The following ARHGEF11 variants were observed in gnomAD, a reference collection of about 807,000 sequenced individuals.
The protein encoded by ARHGEF11 is Rho guanine exchange factor (GEF) 11.
A neutral mutation model predicts 193.7 loss-of-function variants in ARHGEF11; 55 were observed. The observed-to-expected ratio is 0.28, with a 90% CI of 0.23 to 0.36. The LOEUF (loss-of-function observed/expected upper bound fraction) is 0.36, where lower values mean the gene tolerates loss of function less well. Among genes scored for constraint, ARHGEF11 ranks in the 10% least tolerant of loss-of-function variants. The probability of loss-of-function intolerance (pLI) is 1.00; values close to 1 mark genes in which losing one functional copy is unlikely to be tolerated. For missense variants in ARHGEF11, 1,723 were observed against 2,005.6 expected (o/e 0.86, Z 2.69); for synonymous variants, 693 against 768.0 (o/e 0.90, Z 1.62).
rs186910518 is a variant in ARHGEF11, at chr1:156,937,017, G to A, written c.4441-12C>T. The A allele has an allele frequency of 2.9e-4, 466 of 1,609,990 alleles. 3 individuals are homozygous for A. The African/African-American group carries it at 4.5e-3, about 16-fold the overall frequency. On this transcript the variant is annotated splice_polypyrimidine_tract_variant and intron_variant, in intron 39 of 40. Transcript: ENST00000368194. ...GCCAGCTCCATATCCTGGAAGAGTC[G>A]GCGGGGGAATGTCTGCTCGAGTCCT... is the stretch of plus-strand genomic sequence containing the variant.
chr1:156,987,673 G>T (rs1162044051), intron 1 of ARHGEF11, among the ~76,000 whole-genome samples: 1 of 152,128 alleles, frequency 6.6e-6, no homozygotes, highest in African/African-American at 2.4e-5. Flanking sequence ...ATAAAGGAGT[G>T]GGTCTTCGTT....
chr1:156,979,231 T>C lies in ARHGEF11; in HGVS notation c.329A>G (p.Lys110Arg), dbSNP rs769494066. Residue 110 changes from lysine (K) to arginine (R), a missense_variant and splice_region_variant, in exon 5 of 41, where the codon AAA becomes AGA. Lys to Arg is a conservative substitution (Grantham distance 26). Transcript: ENST00000368194. ...SSHLEVVKLIKSGAYVALTLL... is the reference protein window; with the variant it reads ...SSHLEVVKLIRSGAYVALTLL... ...GTTGTCACCTCTCTCCAACTCACAT[T>C]TGATCAGCTTTACCACTTCCAGGTG... The C allele has an allele frequency of 1.9e-6, 3 of 1,613,940 alleles. No individual in the cohort carries two copies. Among genetic ancestry groups the C allele is most frequent in the African/African-American group, 2.7e-5 (2 of 74,914 alleles).
chr1:156,944,170 G>A, intron 31 of ARHGEF11, 68 bp from the exon 32 acceptor site: 1 of 1,560,266 alleles, frequency 6.4e-7, no homozygotes, highest in Non-Finnish European at 8.7e-7. Flanking sequence ...ACAATGCAGG[G>A]CCACAGGCTC....
chr1:156,971,002 T>C (rs1266811189), intron 8 of ARHGEF11, among the ~76,000 whole-genome samples: 19 of 152,228 alleles, frequency 1.2e-4, no homozygotes, highest in Admixed American at 1.2e-3. Context: ...CTGGATATCC[T>C]AAAAGCAAAA....
At chr1:156,945,291 G>C (rs1224518007) in intron 29 of ARHGEF11, 94 bp from the exon 30 acceptor site, 1 of 1,434,116 alleles carries the variant, frequency 7.0e-7, no homozygotes, top group African/African-American at 1.4e-5. Context: ...ATGGCAGCTG[G>C]CTTGCTTCAA....
intron 1 of ARHGEF11, among the ~76,000 whole-genome samples, chr1:157,033,128 C>T (rs1308773187): frequency 6.6e-6 from 1 of 152,150 alleles, no homozygotes; most frequent in Admixed American, 6.5e-5. Flanking sequence ...GCCCAAGCTC[C>T]AGTTGTCTGC....
chr1:156,954,753 G>T, intron 21 of ARHGEF11, 139 bp downstream of exon 21: 1 of 790,556 alleles, frequency 1.3e-6, no homozygotes, highest in African/African-American at 1.7e-5. Context: ...CAACGCATAA[G>T]AGAAATGGAG....
At chr1:156,995,233 A>G (rs1666312902) in intron 1 of ARHGEF11, among the ~76,000 whole-genome samples, 2 of 152,182 alleles carry the variant, frequency 1.3e-5, no homozygotes, top group African/African-American at 4.8e-5. Flanking sequence ...TAGAGGATAT[A>G]CACCCTTCCG....
intron 40 of ARHGEF11, among the ~76,000 whole-genome samples, chr1:156,936,494 AAAAATATATAT>A (rs1305877336): frequency 2.3e-4 from 21 of 90,226 alleles, no homozygotes; most frequent in African/African-American, 9.7e-4. Flanking sequence ...AAAAAAAAAA[AAAAATATATAT>A]ATATATATAT....
intron 2 of ARHGEF11, among the ~76,000 whole-genome samples, 155 bp from the exon 3 acceptor site, chr1:156,984,592 T>C (rs6427340): frequency 0.47 from 70,873 of 151,998 alleles, 17,331 homozygotes; most frequent in East Asian, 0.8. Flanking sequence ...TAAACACTAT[T>C]GCAATGACAC....
chr1:156,964,912 G>A (rs922599611), intron 11 of ARHGEF11, among the ~76,000 whole-genome samples: 2 of 152,140 alleles, frequency 1.3e-5, no homozygotes, highest in African/African-American at 4.8e-5. Flanking sequence ...TGTTTACGGG[G>A]AGGATTTTTT....
At chr1:156,947,212 C>T in intron 26 of ARHGEF11, 92 bp downstream of exon 26, 1 of 1,530,332 alleles carries the variant, frequency 6.5e-7, no homozygotes, top group East Asian at 2.3e-5. Flanking sequence ...TGGGAGGTTA[C>T]CTACTCAGGG....
rs1036801997 is a variant in ARHGEF11 at position 156,991,293 on chromosome 1, C to T, written c.33-5120G>A. 7.6e-4 allele frequency among the ~76,000 whole-genome samples: 116 copies of T among 152,240 alleles called. No individual in the cohort carries two copies. In the Middle Eastern group the frequency reaches 0.017, roughly 22 times the overall value. On this transcript the variant is annotated intron_variant, in intron 1 of 40. Transcript: ENST00000368194. ...TCATCAGTAATGTGTGTGAAAATTT[C>T]TGGGTTAATCCACTGGGTTTTTTGT...
chr1:156,969,274 G>C lies in ARHGEF11; in HGVS notation c.825+8C>G. On this transcript the variant is annotated splice_region_variant and intron_variant, in intron 10 of 40. Coordinates refer to ENST00000368194, the MANE Select transcript of ARHGEF11 (RefSeq NM_198236.3). ...GTTCTGAATGGGCCTTGCCCTGCTGGGACTCACCTCACTGAGGGAAGGAAA... is the reference window on the plus strand; with the variant it reads ...GTTCTGAATGGGCCTTGCCCTGCTGCGACTCACCTCACTGAGGGAAGGAAA... The C allele has an allele frequency of 6.3e-7, 1 of 1,589,234 alleles. No individual in the cohort carries two copies. The highest frequency in any genetic ancestry group is 8.6e-7 in the Non-Finnish European group (1 of 1,166,946).
In ARHGEF11 at chr1:157,035,807, A is replaced by AAT. The variant is rs1372138889; in HGVS notation, c.32+8490_32+8491dup. Among the ~76,000 whole-genome samples the AAT allele has an allele frequency of 1.1e-3, 90 of 82,260 alleles. 3 individuals are homozygous for AAT. The highest frequency in any genetic ancestry group is 6.5e-3 in the South Asian group (15 of 2,316). The allele number at this position is 82,260 out of a possible 152,430, so 54.0% of individuals were successfully genotyped here. A position where few individuals can be genotyped will look rare whatever the true frequency, so the allele number is the denominator to read the frequency against. On this transcript the variant is annotated intron_variant, in intron 1 of 40. Coordinates refer to ENST00000368194, the MANE Select transcript of ARHGEF11 (RefSeq NM_198236.3). ...ATATATATAGGAATATATATACAGG[A>AAT]ATATATATATAGGAATATATATATG...
intron 1 of ARHGEF11, among the ~76,000 whole-genome samples, chr1:157,000,021 T>A (rs912336012): frequency 1.3e-5 from 2 of 152,228 alleles, no homozygotes; most frequent in Admixed American, 6.5e-5. Context: ...TGGAGTGCAG[T>A]GGTGCGATCT....
chr1:157,028,701 T>G (rs548172510), intron 1 of ARHGEF11, among the ~76,000 whole-genome samples: 1 of 152,318 alleles, frequency 6.6e-6, no homozygotes, highest in South Asian at 2.1e-4. Context: ...CCCCAATTTT[T>G]AAATGGGCAA....
In ARHGEF11 at chr1:156,945,167, C is replaced by CG. The variant is rs1557832559; in HGVS notation, c.2842dup (p.Arg948ProfsTer15). 6.2e-7 allele frequency: 1 copy of CG among 1,614,068 alleles called. No homozygotes were observed. Among genetic ancestry groups the CG allele is most frequent in the Non-Finnish European group, 8.5e-7 (1 of 1,179,974 alleles). ...AATCTCCCGGCACTGGTCCCGGGCCCGGCACAGCTTCTCATGCTCAGAGGT... is the reference window on the plus strand; with the variant it reads ...AATCTCCCGGCACTGGTCCCGGGCCCGGGCACAGCTTCTCATGCTCAGAGGT... On this transcript the variant is annotated frameshift_variant, in exon 30 of 41. Coordinates refer to ENST00000368194, the MANE Select transcript of ARHGEF11 (RefSeq NM_198236.3). LOFTEE classifies it high-confidence loss of function.
At chr1:156,956,875 C>T (rs1660032960) in intron 18 of ARHGEF11, among the ~76,000 whole-genome samples, 1 of 152,126 alleles carries the variant, frequency 6.6e-6, no homozygotes. Context: ...ATGCCAATTC[C>T]CTAAAATGTA....
Sources: allele counts gnomAD v4.1 joint callset (sites outside exome capture counted in the v4.1 genomes callset), GRCh38; gene constraint gnomAD v4.1.1; transcripts MANE v1.5; gene names NCBI Gene and HGNC (gene_info 2026-07-23, HGNC 2026-07-21).